The following COL21A1 variants were observed in gnomAD, a reference collection of about 807,000 sequenced individuals.
The protein encoded by COL21A1 is collagen alpha-1(XXI) chain.
Under a neutral mutation model 137.9 loss-of-function variants are expected in COL21A1, and 149 were observed. That is an observed-to-expected ratio of 1.08 (90% CI 0.95 to 1.24). The LOEUF is 1.24. Ranked by LOEUF, COL21A1 falls within the 50% of genes most tolerant of loss-of-function variation. COL21A1 has a pLI of 0.00. For synonymous variants in COL21A1, 456 were observed against 391.5 expected, an observed-to-expected ratio of 1.16 and a Z score of -1.95; for missense variants, 1,167 against 1,158.4, an observed-to-expected ratio of 1.01 and a Z score of -0.11.
chr6:56,382,846 C>T (rs1581795387), intron 1 of COL21A1, among the ~76,000 whole-genome samples: 1 of 152,130 alleles, frequency 6.6e-6, no homozygotes, highest in African/African-American at 2.4e-5. Context: ...GTTATGGCAG[C>T]CCAAACCAAG....
At chr6:56,158,253 C>CTT (rs59381031) in intron 9 of COL21A1, among the ~76,000 whole-genome samples, 1,552 of 104,544 alleles carry the variant, frequency 0.015, 22 homozygotes, top group African/African-American at 0.049. Flanking sequence ...TGGGTTTTTT[C>CTT]TTTTTTTTTT....
At chr6:56,081,492 A>G (rs959759002) in intron 17 of COL21A1, among the ~76,000 whole-genome samples, 3 of 151,906 alleles carry the variant, frequency 2.0e-5, no homozygotes, top group Non-Finnish European at 4.4e-5. Context: ...GTTCATAAAA[A>G]GATGACCAAG....
At chr6:56,196,017 A>G (rs1778997616) in intron 1 of COL21A1, among the ~76,000 whole-genome samples, 1 of 152,168 alleles carries the variant, frequency 6.6e-6, no homozygotes, top group African/African-American at 2.4e-5. Flanking sequence ...AAAGTGTCAT[A>G]TGCATGACCT....
chr6:56,303,513 C>T (rs1002552424), intron 1 of COL21A1, among the ~76,000 whole-genome samples: 10 of 152,138 alleles, frequency 6.6e-5, no homozygotes, highest in Admixed American at 6.5e-4. Context: ...GGAGTTCACT[C>T]ATGATTTGAC....
intron 1 of COL21A1, among the ~76,000 whole-genome samples, chr6:56,228,479 T>G (rs746146225): frequency 9.9e-5 from 15 of 151,584 alleles, no homozygotes; most frequent in African/African-American, 3.6e-4. Context: ...TCAGGAAATA[T>G]AAACCAAATT....
At chr6:56,104,452 A>G (rs1770704310) in intron 16 of COL21A1, among the ~76,000 whole-genome samples, 1 of 152,144 alleles carries the variant, frequency 6.6e-6, no homozygotes, top group Non-Finnish European at 1.5e-5. Flanking sequence ...TGAAAGGATA[A>G]TTTCTACTTG....
At chr6:56,344,629 T>C (rs1448313802) in intron 1 of COL21A1, among the ~76,000 whole-genome samples, 3 of 152,220 alleles carry the variant, frequency 2.0e-5, no homozygotes, top group African/African-American at 4.8e-5. Flanking sequence ...TTACCCCATA[T>C]TTCTGTCCCA....
At chr6:56,083,069 G>T (rs575328205) in intron 17 of COL21A1, among the ~76,000 whole-genome samples, 1 of 147,464 alleles carries the variant, frequency 6.8e-6, no homozygotes, top group Non-Finnish European at 1.5e-5. Context: ...CATATTTAGT[G>T]CAATTAAAAC....
intron 3 of COL21A1, among the ~76,000 whole-genome samples, chr6:56,176,371 A>G (rs1777470249): frequency 6.6e-6 from 1 of 152,032 alleles, no homozygotes; most frequent in African/African-American, 2.4e-5. Context: ...CAAACCATAT[A>G]TCTGATAAGA....
chr6:56,216,048 C>T (rs1477629206), intron 1 of COL21A1, among the ~76,000 whole-genome samples: 1 of 152,054 alleles, frequency 6.6e-6, no homozygotes, highest in Non-Finnish European at 1.5e-5. Context: ...ATTTTAATGG[C>T]TCACCTGTCA....
intron 9 of COL21A1, among the ~76,000 whole-genome samples, chr6:56,158,253 C>CTTTTTTTTTTTTTGTTTTTTTT (rs59381031): frequency 9.5e-6 from 1 of 104,908 alleles, no homozygotes; most frequent in Non-Finnish European, 1.8e-5. Flanking sequence ...TGGGTTTTTT[C>CTTTTTTTTTTTTTGTTTTTTTT]TTTTTTTTTT....
chr6:56,126,226 C>G, intron 12 of COL21A1, 77 bp from the exon 13 acceptor site: 1 of 900,346 alleles, frequency 1.1e-6, no homozygotes, highest in Non-Finnish European at 1.7e-6. Flanking sequence ...TCTTCAACCT[C>G]ACCCTTGTCA....
chr6:56,318,884 C>T (rs1239996968), intron 1 of COL21A1, among the ~76,000 whole-genome samples: 1 of 151,414 alleles, frequency 6.6e-6, no homozygotes, highest in Non-Finnish European at 1.5e-5. Context: ...ACTGTCTGTA[C>T]CTATTGTCCA....
At chr6:56,214,970 A>T (rs921843063) in intron 1 of COL21A1, among the ~76,000 whole-genome samples, 1 of 152,090 alleles carries the variant, frequency 6.6e-6, no homozygotes, top group African/African-American at 2.4e-5. Context: ...TTAAATTAAA[A>T]CGTCCAGTCA....
chr6:56,079,212 CAGAA>C (rs1767514366), intron 17 of COL21A1, among the ~76,000 whole-genome samples: 1 of 151,590 alleles, frequency 6.6e-6, no homozygotes, highest in African/African-American at 2.4e-5. Flanking sequence ...AAATTCTTCT[CAGAA>C]GGAAGGTGGC....
At chr6:56,104,180 T>C (rs950998327) in intron 16 of COL21A1, among the ~76,000 whole-genome samples, 5 of 152,152 alleles carry the variant, frequency 3.3e-5, no homozygotes, top group Non-Finnish European at 7.4e-5. Context: ...CTTAGACTAG[T>C]GCCAAACATA....
intron 1 of COL21A1, among the ~76,000 whole-genome samples, chr6:56,239,558 A>G (rs1262009383): frequency 6.6e-6 from 1 of 152,180 alleles, no homozygotes. Context: ...CCATAATTCA[A>G]ATTTAAAATT....
chr6:56,090,487 GAC>G (rs1475962338), intron 17 of COL21A1, among the ~76,000 whole-genome samples: 3 of 152,080 alleles, frequency 2.0e-5, no homozygotes, highest in Non-Finnish European at 4.4e-5. Flanking sequence ...CAAAATTAAT[GAC>G]ACAATATTTT....
chr6:56,223,105 T>C (rs903630254), intron 1 of COL21A1, among the ~76,000 whole-genome samples: 8 of 152,122 alleles, frequency 5.3e-5, no homozygotes, highest in African/African-American at 1.9e-4. Flanking sequence ...CAGTCACTTC[T>C]GGGATAAACC....
Sources: allele counts gnomAD v4.1 joint callset (sites outside exome capture counted in the v4.1 genomes callset), GRCh38; gene constraint gnomAD v4.1.1; transcripts MANE v1.5; gene names NCBI Gene and HGNC (gene_info 2026-07-23, HGNC 2026-07-21).